Variants in BAZ2B observed in about 807,000 individuals in gnomAD.
BAZ2B encodes the protein bromodomain adjacent to zinc finger domain 2B.
BAZ2B carries 91 observed loss-of-function variants against 246.0 expected under a neutral mutation model. The observed-to-expected ratio is 0.37, with a 90% CI of 0.31 to 0.44. BAZ2B has a LOEUF of 0.44. Among genes scored for constraint, BAZ2B ranks in the 20% least tolerant of loss-of-function variants. BAZ2B has a pLI of 1.00. For missense variants in BAZ2B, 2,332 were observed against 2,533.7 expected, an observed-to-expected ratio of 0.92 and a Z score of 1.71; for synonymous variants, 855 against 860.0, an observed-to-expected ratio of 0.99 and a Z score of 0.10.
At chr2:159,385,496 T>TTTA in intron 22 of BAZ2B, 127 bp from the exon 23 acceptor site, 1 of 806,418 alleles carries the variant, frequency 1.2e-6, no homozygotes, top group Non-Finnish European at 1.9e-6. Flanking sequence ...ACTTTTTTTT[T>TTTA]AATGAAAGAG....
Position 159,405,622 on chromosome 2 carries a change from T to C in BAZ2B, c.2678-508A>G, listed in dbSNP as rs139174155. ...AACGGAAACTGAATGTTCATTCCAA[T>C]GGAAATAATCAAATTATTTCATCAA... On this transcript the variant is annotated intron_variant, in intron 14 of 36. Transcript: ENST00000392783. Among the ~76,000 whole-genome samples, 376 of 152,344 alleles carry C rather than the reference T, an allele frequency of 2.5e-3. 2 individuals are homozygous for C. Among genetic ancestry groups the C allele is most frequent in the African/African-American group, 8.3e-3 (347 of 41,588 alleles).
chr2:159,399,029 T>C, intron 17 of BAZ2B, 135 bp from the exon 18 acceptor site: 1 of 644,852 alleles, frequency 1.6e-6, no homozygotes, highest in Non-Finnish European at 2.5e-6. Flanking sequence ...CAATTACAGA[T>C]TTCCCCCCAG....
intron 1 of BAZ2B, among the ~76,000 whole-genome samples, chr2:159,582,648 G>T (rs1281688605): frequency 6.6e-6 from 1 of 152,118 alleles, no homozygotes; most frequent in African/African-American, 2.4e-5. Context: ...GCCTCCCAAA[G>T]TGCTGGGATT....
chr2:159,322,693 T>C (rs1417022516), intron 36 of BAZ2B, among the ~76,000 whole-genome samples: 2 of 152,162 alleles, frequency 1.3e-5, no homozygotes, highest in African/African-American at 4.8e-5. Flanking sequence ...CTTTATGGGA[T>C]GGGGCAGCTA....
At chr2:159,425,695 C>A (rs34674147) in intron 13 of BAZ2B, among the ~76,000 whole-genome samples, 1 of 151,994 alleles carries the variant, frequency 6.6e-6, no homozygotes, top group Non-Finnish European at 1.5e-5. Context: ...ATTGTAAATA[C>A]GTATGATCAT....
At chr2:159,702,051 A>G in the BAZ2B span, among the ~76,000 whole-genome samples, 2 of 152,138 alleles carry the variant, frequency 1.3e-5, no homozygotes, top group African/African-American at 4.8e-5. Context: ...TTTTATATCC[A>G]CACCTACCTT....
At chr2:159,465,016 T>C (rs1035241411) in intron 3 of BAZ2B, among the ~76,000 whole-genome samples, 4 of 152,182 alleles carry the variant, frequency 2.6e-5, no homozygotes, top group Non-Finnish European at 4.4e-5. Flanking sequence ...AGACTGGGTG[T>C]ATTAGTTTGC....
rs1307561811 is a variant in BAZ2B, at chr2:159,427,927, T to C, written c.2466+14A>G. On this transcript the variant is annotated intron_variant, in intron 13 of 36. Coordinates refer to ENST00000392783, the MANE Select transcript of BAZ2B (RefSeq NM_013450.4). ...TTTTTGGTTCAAAGACTATACTTTT[T>C]AAAAAGTGGATACCTGCGGTCCATC... 6.2e-7 allele frequency: 1 copy of C among 1,607,132 alleles called. No homozygotes were observed. The highest frequency in any genetic ancestry group is 8.5e-7 in the Non-Finnish European group (1 of 1,174,312).
the BAZ2B span, among the ~76,000 whole-genome samples, chr2:159,700,440 CTTTT>C: frequency 4.0e-5 from 5 of 126,308 alleles, no homozygotes; most frequent in Non-Finnish European, 6.8e-5. Flanking sequence ...TAATTGTATT[CTTTT>C]GTTTGTTTGT....
intron 2 of BAZ2B, among the ~76,000 whole-genome samples, chr2:159,520,723 C>G (rs923203752): frequency 1.3e-5 from 2 of 152,130 alleles, no homozygotes; most frequent in African/African-American, 4.8e-5. Context: ...CATATTTAAT[C>G]AAACCTTGGG....
At chr2:159,666,294 C>A in the BAZ2B span, among the ~76,000 whole-genome samples, 4 of 132,824 alleles carry the variant, frequency 3.0e-5, no homozygotes, top group East Asian at 6.6e-4. Context: ...GGGTCTCGCT[C>A]TGTCGCCCAG....
At chr2:159,647,973 G>A in the BAZ2B span, among the ~76,000 whole-genome samples, 3 of 152,070 alleles carry the variant, frequency 2.0e-5, no homozygotes, top group Non-Finnish European at 4.4e-5. Context: ...AGAACTTACT[G>A]TAATTTGCAT....
At chr2:159,428,688 A>C (rs1038064665) in intron 11 of BAZ2B, among the ~76,000 whole-genome samples, 1 of 152,162 alleles carries the variant, frequency 6.6e-6, no homozygotes, top group Non-Finnish European at 1.5e-5. Flanking sequence ...CTGACATTTC[A>C]GTAACATGTT....
At chr2:159,559,543 A>C (rs1341041598) in intron 1 of BAZ2B, among the ~76,000 whole-genome samples, 1 of 152,242 alleles carries the variant, frequency 6.6e-6, no homozygotes, top group Non-Finnish European at 1.5e-5. Context: ...TTATAAGTTA[A>C]GGATAGATCT....
intron 2 of BAZ2B, among the ~76,000 whole-genome samples, chr2:159,549,625 AT>A (rs1345963697): frequency 6.6e-6 from 1 of 152,202 alleles, no homozygotes; most frequent in South Asian, 2.1e-4. Context: ...CACAAAAAAA[AT>A]CTCATAATGT....
At chr2:159,611,910 A>C (rs1209828387) in intron 1 of BAZ2B, among the ~76,000 whole-genome samples, 1 of 151,904 alleles carries the variant, frequency 6.6e-6, no homozygotes, top group Non-Finnish European at 1.5e-5. Context: ...ACCACCAAAA[A>C]ACACCATGCA....
At position 159,370,378 on chromosome 2, in the gene BAZ2B, CTTTT is replaced by C. The variant is rs55760591; in HGVS notation, c.4213+2663_4213+2666del. 1.5e-3 allele frequency among the ~76,000 whole-genome samples: 137 copies of C among 92,242 alleles called. No homozygotes were observed. In the Middle Eastern group the frequency reaches 0.045, roughly 30 times the overall value. 60.5% of individuals were successfully genotyped at this position (92,242 alleles called of 152,430 possible). A position where few individuals can be genotyped will look rare whatever the true frequency, so the allele number is the denominator to read the frequency against. On this transcript the variant is annotated intron_variant, in intron 27 of 36. Coordinates refer to ENST00000392783, the MANE Select transcript of BAZ2B (RefSeq NM_013450.4). ...TTAAGTCTCCTAGGCACTGTACTAC[CTTTT>C]TTTTTTTTTTTTTTTTTTGAGACGC...
At chr2:159,650,540 G>A in the BAZ2B span, among the ~76,000 whole-genome samples, 2 of 152,186 alleles carry the variant, frequency 1.3e-5, no homozygotes, top group African/African-American at 2.4e-5. Flanking sequence ...TGAGAACTGC[G>A]TACAGTCTTC....
chr2:159,668,510 T>C, the BAZ2B span, among the ~76,000 whole-genome samples: 1 of 152,218 alleles, frequency 6.6e-6, no homozygotes, highest in East Asian at 1.9e-4. Flanking sequence ...TTACTGAGTT[T>C]ATATTGTGAA....
Sources: gnomAD v4.1 joint callset for allele counts (sites outside exome capture counted in the v4.1 genomes callset) on GRCh38, gnomAD v4.1.1 for gene constraint, MANE v1.5 for transcripts, NCBI Gene and HGNC (gene_info 2026-07-23, HGNC 2026-07-21) for gene names.